MYH9: variants seen among roughly 807,000 people sequenced by gnomAD.
MYH9 encodes myosin-9.
Under a neutral mutation model 241.9 loss-of-function variants are expected in MYH9, and 29 were observed. That is an observed-to-expected ratio of 0.12 (90% confidence interval 0.09 to 0.16). The LOEUF is 0.16. Among genes scored for constraint, MYH9 ranks in the 10% least tolerant of loss-of-function variants. The pLI, the probability that MYH9 is intolerant of heterozygous loss-of-function variation, is 1.00. For missense variants in MYH9, 1,803 were observed against 2,595.5 expected, an observed-to-expected ratio of 0.69 and a Z score of 6.63; for synonymous variants, 1,047 against 1,062.6, an observed-to-expected ratio of 0.99 and a Z score of 0.29.
Position 36,306,704 on chromosome 22 carries a change from A to T in MYH9, c.1844-97T>A. On this transcript the variant is annotated intron_variant, in intron 15 of 40. Coordinates refer to ENST00000216181, the MANE Select transcript of MYH9 (RefSeq NM_002473.6). The surrounding 1 kb of genome is among the most constrained non-coding windows in gnomAD (Gnocchi z 4.1). ...GAGAGACAGGCACACGTCGGACAGG[A>T]AAAGAGGAGACAGAATGAAACAACA... The T allele has an allele frequency of 8.3e-7, 1 of 1,203,310 alleles. No individual in the cohort carries two copies. The highest frequency in any genetic ancestry group is 2.5e-5 in the East Asian group (1 of 39,598). 74.5% of individuals were successfully genotyped at this position (1,203,310 alleles called of 1,614,324 possible).
intron 3 of MYH9, among the ~76,000 whole-genome samples, chr22:36,328,372 G>C (rs1240045950): frequency 6.6e-6 from 1 of 152,204 alleles, no homozygotes; most frequent in Non-Finnish European, 1.5e-5. Flanking sequence ...TTCAGTACTG[G>C]GTATTCAAGC....
intron 1 of MYH9, among the ~76,000 whole-genome samples, chr22:36,352,153 C>G (rs150054157): frequency 1.3e-3 from 193 of 152,244 alleles, no homozygotes; most frequent in Non-Finnish European, 2.0e-3. Context: ...GAAGCCAGGC[C>G]GGCACTGGAG....
At position 36,320,650 on chromosome 22, in the gene MYH9, T is replaced by A; in HGVS notation, c.868+148A>T. ...GAAACAGAAGACCAAGTCCTTAGGA[T>A]GGCGCAGAGAACAGGAGTCACTCTC... On this transcript the variant is annotated intron_variant, in intron 8 of 40. Coordinates refer to ENST00000216181, the MANE Select transcript of MYH9 (RefSeq NM_002473.6). The surrounding 1 kb of genome is among the most constrained non-coding windows in gnomAD (Gnocchi z 4.8). The A allele has an allele frequency of 1.3e-6, 1 of 750,302 alleles. No homozygotes were observed. The highest frequency in any genetic ancestry group is 2.3e-6 in the Non-Finnish European group (1 of 441,412). The allele number at this position is 750,302 out of a possible 1,614,324, so 46.5% of individuals were successfully genotyped here.
intron 2 of MYH9, among the ~76,000 whole-genome samples, chr22:36,346,151 C>CAAAAAAA (rs56232061): frequency 1.6e-5 from 2 of 121,284 alleles, no homozygotes; most frequent in African/African-American, 6.0e-5. Context: ...GACTCCGTCT[C>CAAAAAAA]AAAAAAAAAA....
chr22:36,313,472 A>AAAAG (rs771935599), intron 13 of MYH9, among the ~76,000 whole-genome samples: 1,966 of 122,438 alleles, frequency 0.016, 56 homozygotes, highest in African/African-American at 0.037. Context: ...AAAAAAAAAA[A>AAAAG]AAGAAGAAAA....
In MYH9 at chr22:36,287,718, A is replaced by G. The variant is rs374059693; in HGVS notation, c.4932+534T>C. 7.2e-4 allele frequency among the ~76,000 whole-genome samples: 109 copies of G among 152,364 alleles called. No individual in the cohort carries two copies. The East Asian group carries it at 0.014, about 20-fold the overall frequency. On this transcript the variant is annotated intron_variant, in intron 34 of 40. Transcript: ENST00000216181. ...GATCATGCCACTGCACTCCAGCCTG[A>G]GCGACAGAGCGAGACTCCGTCTCAA...
At chr22:36,322,007 T>A in intron 6 of MYH9, 186 bp from the exon 7 acceptor site, 1 of 645,700 alleles carries the variant, frequency 1.5e-6, no homozygotes, top group Non-Finnish European at 2.8e-6. Flanking sequence ...ACCTCGGGAC[T>A]CAGGCGCCAC....
Position 36,305,056 on chromosome 22 carries a change from C to T in MYH9, c.2206G>A (p.Gly736Arg), listed in dbSNP as rs754226657. Residue 736 changes from glycine (G) to arginine (R), a missense_variant, in exon 18 of 41, where the codon GGG (glycine) becomes AGG (arginine). This residue lies in a region of MYH9 where 163 missense variants were observed against 349.7 expected (regional missense o/e 0.47). Transcript: ENST00000216181. The surrounding 1 kb of genome is among the most constrained non-coding windows in gnomAD (Gnocchi z 4.7). ...PNSIPKGFMD[G>R]KQACVLMIKA... ...ACCATGAGCACGCACGCCTGCTTCC[C>T]GTCCATGAAACCCTTGGGAATGGAG... The T allele has an allele frequency of 1.2e-6, 2 of 1,613,942 alleles. No homozygotes were observed. Among genetic ancestry groups the T allele is most frequent in the African/African-American group, 1.3e-5 (1 of 74,930 alleles).
chr22:36,314,807 C>T (rs1310962552), intron 12 of MYH9, among the ~76,000 whole-genome samples: 1 of 152,096 alleles, frequency 6.6e-6, no homozygotes, highest in Non-Finnish European at 1.5e-5. Context: ...CACTATGGTA[C>T]ATGGCTAATA....
At chr22:36,321,972 G>C in intron 6 of MYH9, 151 bp from the exon 7 acceptor site, 1 of 722,940 alleles carries the variant, frequency 1.4e-6, no homozygotes, top group East Asian at 2.7e-5. Flanking sequence ...CAGGCCAGGG[G>C]CCCCCTACGC....
chr22:36,344,231 C>A (rs905580850), intron 2 of MYH9, among the ~76,000 whole-genome samples: 1 of 152,266 alleles, frequency 6.6e-6, no homozygotes, highest in Non-Finnish European at 1.5e-5. Context: ...CCACGCGGCG[C>A]GGCCACGACA....
At chr22:36,367,238 G>A (rs1363651810) in intron 1 of MYH9, among the ~76,000 whole-genome samples, 1 of 152,148 alleles carries the variant, frequency 6.6e-6, no homozygotes, top group East Asian at 1.9e-4. Context: ...GCAAAGCTGT[G>A]GACAGAATAA....
Position 36,286,854 on chromosome 22 carries a change from G to A in MYH9, c.4933-8C>T, listed in dbSNP as rs2016594144. On this transcript the variant is annotated splice_region_variant and splice_polypyrimidine_tract_variant and intron_variant, in intron 34 of 40. Coordinates refer to ENST00000216181, the MANE Select transcript of MYH9 (RefSeq NM_002473.6). ...GCAGTCCTTCATCTGGGCCTGGGGTGGGGACAGAGGCTTGGCACCCCACCC... is the reference window on the plus strand; with the variant it reads ...GCAGTCCTTCATCTGGGCCTGGGGTAGGGACAGAGGCTTGGCACCCCACCC... The A allele has an allele frequency of 6.2e-7, 1 of 1,605,090 alleles. No homozygotes were observed. The highest frequency in any genetic ancestry group is 1.7e-5 in the Admixed American group (1 of 60,008).
intron 25 of MYH9, among the ~76,000 whole-genome samples, chr22:36,296,163 A>G (rs1349140289): frequency 6.6e-6 from 1 of 152,126 alleles, no homozygotes; most frequent in Non-Finnish European, 1.5e-5. Context: ...GCGGTGCGTG[A>G]GTGGGGCAGT....
chr22:36,364,005 T>A (rs1180755235), intron 1 of MYH9, among the ~76,000 whole-genome samples: 1 of 152,186 alleles, frequency 6.6e-6, no homozygotes, highest in Non-Finnish European at 1.5e-5. Context: ...TGAAACCCAA[T>A]GCAGAAAAAT....
chr22:36,375,414 GGCAACCCC>G (rs781015518), intron 1 of MYH9, among the ~76,000 whole-genome samples: 3 of 152,198 alleles, frequency 2.0e-5, no homozygotes, highest in Non-Finnish European at 4.4e-5. Flanking sequence ...ATGCTGACCT[GGCAACCCC>G]GCTGTGGGTT....
chr22:36,313,188 G>T (rs1413018008), intron 13 of MYH9, among the ~76,000 whole-genome samples: 1 of 151,686 alleles, frequency 6.6e-6, no homozygotes, highest in East Asian at 1.9e-4. Flanking sequence ...GACAGGCCAG[G>T]CGCGGTGGCT....
At chr22:36,308,962 A>G (rs1325107819) in intron 15 of MYH9, 1 of 704,874 alleles carries the variant, frequency 1.4e-6, no homozygotes, top group East Asian at 1.3e-4. Flanking sequence ...CAACCAGCCT[A>G]CCAAGGAGTA....
intron 1 of MYH9, among the ~76,000 whole-genome samples, chr22:36,357,669 T>TC (rs758963227): frequency 8.6e-5 from 13 of 151,964 alleles, no homozygotes; most frequent in Non-Finnish European, 1.9e-4. Flanking sequence ...GTCGTCATCC[T>TC]CCCCCATCTC....
Sources: gnomAD v4.1 joint callset for allele counts (sites outside exome capture counted in the v4.1 genomes callset) on GRCh38, gnomAD v4.1.1 for gene constraint, gnomAD v4.1.1 regional missense constraint, Gnocchi (gnomAD v3.1) non-coding constraint, MANE v1.5 for transcripts, NCBI Gene and HGNC (gene_info 2026-07-23, HGNC 2026-07-21) for gene names.